The following ZAP70 variants were observed in gnomAD, a reference collection of about 807,000 sequenced individuals.
The protein encoded by ZAP70 is tyrosine-protein kinase ZAP-70.
ZAP70 carries 27 observed loss-of-function variants against 65.8 expected under a neutral mutation model. The observed-to-expected ratio is 0.41, with a 90% CI of 0.30 to 0.57. The LOEUF (loss-of-function observed/expected upper bound fraction) is 0.57. Among genes scored for constraint, ZAP70 ranks in the 20% least tolerant of loss-of-function variants. The probability of loss-of-function intolerance (pLI) is 0.28; values close to 1 mark genes in which losing one functional copy is unlikely to be tolerated. For synonymous variants in ZAP70, 363 were observed against 360.8 expected, an observed-to-expected ratio of 1.01 and a Z score of -0.07; for missense variants, 696 against 870.5, an observed-to-expected ratio of 0.80 and a Z score of 2.52.
chr2:97,730,318 G>C (rs959070908), intron 4 of ZAP70, among the ~76,000 whole-genome samples: 1 of 152,154 alleles, frequency 6.6e-6, no homozygotes, highest in Admixed American at 6.5e-5. Context: ...AGTTCAGCTG[G>C]GTGCCTCTTC....
At chr2:97,722,671 ACT>A (rs1384309878) in intron 2 of ZAP70, among the ~76,000 whole-genome samples, 2 of 152,216 alleles carry the variant, frequency 1.3e-5, no homozygotes, top group Non-Finnish European at 2.9e-5. Flanking sequence ...TAGGAACCTA[ACT>A]CTGTATTTCC....
At chr2:97,745,279 T>TC in the ZAP70 span, among the ~76,000 whole-genome samples, 1 of 152,208 alleles carries the variant, frequency 6.6e-6, no homozygotes, top group Admixed American at 6.5e-5. Flanking sequence ...CCTCAGGTGA[T>TC]CCACCTGCCT....
rs1677603926 is a variant in ZAP70, at chr2:97,731,454, C to G, written c.564-1429C>G. The stretch of plus-strand genomic sequence containing the variant: ...TTTGTTTCCTAATTTGTGGTGGGTT[C>G]TCTTCCTTGCCCTTTTGTGTGCCCT... On this transcript the variant is annotated intron_variant, in intron 4 of 13. Transcript: ENST00000264972. This position sits in a 1 kb window ranked among gnomAD's most constrained non-coding sequence, Gnocchi z 4.0. Among the ~76,000 whole-genome samples, 1 of 152,144 alleles carries G rather than the reference C, an allele frequency of 6.6e-6. No individual in the cohort carries two copies. The highest frequency in any genetic ancestry group is 6.5e-5 in the Admixed American group (1 of 15,282).
downstream of ZAP70, among the ~76,000 whole-genome samples, chr2:97,740,230 C>T (rs143582697): frequency 6.6e-6 from 1 of 152,304 alleles, no homozygotes; most frequent in African/African-American, 2.4e-5. Context: ...GGGTGCCTTG[C>T]AAATCATGAG....
chr2:97,729,560 T>G (rs940514573), intron 4 of ZAP70, among the ~76,000 whole-genome samples: 1 of 151,464 alleles, frequency 6.6e-6, no homozygotes, highest in Admixed American at 6.6e-5. Context: ...ATTGTAGCCC[T>G]TTTGTTTTGT....
chr2:97,734,416 A>G, intron 8 of ZAP70, 104 bp from the exon 9 acceptor site: 1 of 1,471,988 alleles, frequency 6.8e-7, no homozygotes, highest in Non-Finnish European at 9.0e-7. Context: ...TGCATGCTCC[A>G]GGGACGGCAC....
rs770480433 is a variant in ZAP70, at chr2:97,736,900, G to C, written c.1290-573G>C. On this transcript the variant is annotated intron_variant, in intron 10 of 13. Transcript: ENST00000264972. The surrounding 1 kb of genome is among the most constrained non-coding windows in gnomAD (Gnocchi z 4.0). ...CAGAGGAGGGGGAGGACCTGACTCAGGGGCAGAGAGGACAAGACAGTGGGA... is the reference window on the plus strand; with the variant it reads ...CAGAGGAGGGGGAGGACCTGACTCACGGGCAGAGAGGACAAGACAGTGGGA... 1.2e-4 allele frequency among the ~76,000 whole-genome samples: 18 copies of C among 152,120 alleles called. No homozygotes were observed. The highest frequency in any genetic ancestry group is 2.4e-4 in the Non-Finnish European group (16 of 68,028).
intron 4 of ZAP70, among the ~76,000 whole-genome samples, chr2:97,727,338 G>A (rs1677429549): frequency 6.6e-6 from 1 of 152,246 alleles, no homozygotes; most frequent in Admixed American, 6.5e-5. Context: ...ATGGGTGTTG[G>A]GGGCTGTCTC....
intron 3 of ZAP70, 178 bp downstream of exon 3, chr2:97,724,616 G>T (rs1002377206): frequency 3.4e-5 from 52 of 1,533,578 alleles, no homozygotes; most frequent in Middle Eastern, 1.7e-4. Flanking sequence ...AGAGGCAGGG[G>T]CTCCGTGGTG....
At chr2:97,721,452 C>T (rs562202034) in intron 2 of ZAP70, among the ~76,000 whole-genome samples, 6 of 152,162 alleles carry the variant, frequency 3.9e-5, no homozygotes, top group African/African-American at 1.4e-4. Context: ...CTCACTCTGT[C>T]GCCCAGGCTG....
chr2:97,724,531 G>A, intron 3 of ZAP70, 93 bp downstream of exon 3: 6 of 1,523,362 alleles, frequency 3.9e-6, no homozygotes, highest in Non-Finnish European at 3.5e-6. Flanking sequence ...GGAAAAGGTC[G>A]TCTTCCCCAT....
intron 9 of ZAP70, chr2:97,734,945 A>AG (rs1194056694): frequency 1.5e-6 from 1 of 688,982 alleles, no homozygotes; most frequent in Non-Finnish European, 2.4e-6. Flanking sequence ...TTCCCAACCC[A>AG]GGGGAGCTGC....
In ZAP70 at chr2:97,736,997, C is replaced by T. The variant is rs1013948117; in HGVS notation, c.1290-476C>T. Among the ~76,000 whole-genome samples, 3 of 152,096 alleles carry T rather than the reference C, an allele frequency of 2.0e-5. No homozygotes were observed. Among genetic ancestry groups the T allele is most frequent in the African/African-American group, 7.2e-5 (3 of 41,404 alleles). ...GGGGTCCAGGTGAGTGATGCTGCGG[C>T]TGCTTCCCGGTGGCAGAGGCAGAGA... is the stretch of plus-strand genomic sequence containing the variant. On this transcript the variant is annotated intron_variant, in intron 10 of 13. Transcript: ENST00000264972. This position sits in a 1 kb window ranked among gnomAD's most constrained non-coding sequence, Gnocchi z 4.0.
At chr2:97,713,762 C>T (rs879232300) in intron 1 of ZAP70, 88 bp downstream of exon 1, 1 of 152,640 alleles carries the variant, frequency 6.6e-6, no homozygotes, top group East Asian at 1.9e-4. Flanking sequence ...AGGATGAACC[C>T]CCCCCATCCA....
At position 97,734,771 on chromosome 2, in the gene ZAP70, C is replaced by T. The variant is rs1488996436; in HGVS notation, c.1082+59C>T. 1.6e-5 allele frequency: 26 copies of T among 1,599,164 alleles called. No homozygotes were observed. In the East Asian group the frequency reaches 5.8e-4, roughly 36 times the overall value. On this transcript the variant is annotated intron_variant, in intron 9 of 13. Coordinates refer to ENST00000264972, the MANE Select transcript of ZAP70 (RefSeq NM_001079.4). The stretch of plus-strand genomic sequence containing the variant: ...CGCCTGGGGCAGAGGGGAGTGGCTT[C>T]ACCGGGCTGTGGGACGGGAGCCGGG...
intron 4 of ZAP70, among the ~76,000 whole-genome samples, chr2:97,728,482 T>G (rs1677477490): frequency 6.6e-6 from 1 of 152,206 alleles, no homozygotes; most frequent in Non-Finnish European, 1.5e-5. Context: ...TGTGAGAGCT[T>G]CTTCTTGTGG....
chr2:97,752,753 A>G, the ZAP70 span, among the ~76,000 whole-genome samples: 2 of 152,262 alleles, frequency 1.3e-5, no homozygotes, highest in African/African-American at 4.8e-5. Flanking sequence ...ACTAGCCCCA[A>G]TCACATTTAT....
Position 97,715,453 on chromosome 2 carries a change from C to G in ZAP70, c.-22+1459C>G, listed in dbSNP as rs1057514725. Among the ~76,000 whole-genome samples, 1 of 152,180 alleles carries G rather than the reference C, an allele frequency of 6.6e-6. No individual in the cohort carries two copies. The highest frequency in any genetic ancestry group is 1.5e-5 in the Non-Finnish European group (1 of 68,040). On this transcript the variant is annotated intron_variant, in intron 2 of 13. Transcript: ENST00000264972. The surrounding 1 kb of genome is among the most constrained non-coding windows in gnomAD (Gnocchi z 4.1). ...CCTTTTACAGTCACAGAGCCTGAGG[C>G]CCAGAGAGGGACCGCTGCTTGCTGA...
chr2:97,729,722 ATT>A (rs200422301), intron 4 of ZAP70, among the ~76,000 whole-genome samples: 8 of 141,998 alleles, frequency 5.6e-5, no homozygotes, highest in Admixed American at 7.1e-5. Flanking sequence ...ACTACCTAGC[ATT>A]TTTTTTTTTT....
Sources: gnomAD v4.1 joint callset for allele counts (sites outside exome capture counted in the v4.1 genomes callset) on GRCh38, gnomAD v4.1.1 for gene constraint, Gnocchi (gnomAD v3.1) non-coding constraint, MANE v1.5 for transcripts, NCBI Gene and HGNC (gene_info 2026-07-23, HGNC 2026-07-21) for gene names.